Variants in CHD1L observed in about 807,000 individuals in gnomAD.
CHD1L encodes ATP-dependent chromatin remodeler CHD1L.
Under a neutral mutation model 115.9 loss-of-function variants are expected in CHD1L, and 118 were observed. The observed-to-expected ratio is 1.02, with a 90% confidence interval of 0.88 to 1.19. The LOEUF is 1.19. CHD1L is among the 50% of genes most tolerant of loss of function. The pLI is 0.00. For synonymous variants in CHD1L, 411 were observed against 387.1 expected (o/e 1.06, Z -0.72); for missense variants, 1,179 against 1,065.3 (o/e 1.11, Z -1.49).
In CHD1L at chr1:147,268,805, G is replaced by A. The variant is rs782009110; in HGVS notation, c.1012G>A (p.Val338Ile). 1.9e-6 allele frequency: 3 copies of A among 1,613,616 alleles called. No individual in the cohort carries two copies. Among genetic ancestry groups the A allele is most frequent in the Non-Finnish European group, 2.5e-6 (3 of 1,179,676 alleles). Residue 338 changes from valine (V) to isoleucine (I), a missense_variant, in exon 10 of 23, where the codon GTT (valine) becomes ATT (isoleucine). Physicochemically the swap from Val to Ile is conservative, Grantham distance 29. Transcript: ENST00000369258. ...FDGVEPEPFE[V>I]GDHLTEASGK... ...AGGTGTGGAGCCGGAGCCTTTTGAA[G>A]TTGGAGACCACCTGACTGAGGCTAG...
intron 14 of CHD1L, among the ~76,000 whole-genome samples, chr1:147,276,800 T>TA (rs1162828718): frequency 1.3e-5 from 2 of 152,166 alleles, no homozygotes; most frequent in African/African-American, 2.4e-5. Context: ...GAAGAGGACT[T>TA]AGAGTTACTC....
rs1159052868 is a variant in CHD1L at position 147,251,516 on chromosome 1, AATTT to A, written c.128-1094_128-1091del. On this transcript the variant is annotated intron_variant, in intron 1 of 22. Coordinates refer to ENST00000369258, the MANE Select transcript of CHD1L (RefSeq NM_004284.6). The stretch of plus-strand genomic sequence containing the variant: ...TTATAAGCATTAAATGAGATACTGT[AATTT>A]ATTTATTTATTTTTATTATTATTTT... Among the ~76,000 whole-genome samples the A allele has an allele frequency of 1.1e-4, 16 of 152,186 alleles. No individual in the cohort carries two copies. In the South Asian group the frequency reaches 2.7e-3, roughly 26 times the overall value.
At chr1:147,264,283 C>G in intron 6 of CHD1L, 139 bp from the exon 7 acceptor site, 1 of 731,496 alleles carries the variant, frequency 1.4e-6, no homozygotes. Context: ...CAGCTTCAAC[C>G]TGAGCCATCT....
At chr1:147,251,538 A>G (rs1256523508) in intron 1 of CHD1L, among the ~76,000 whole-genome samples, 2 of 151,976 alleles carry the variant, frequency 1.3e-5, no homozygotes, top group Non-Finnish European at 2.9e-5. Context: ...TATTTTTATT[A>G]TTATTTTTTT....
chr1:147,186,939 T>G, the CHD1L span: 1 of 1,614,120 alleles, frequency 6.2e-7, no homozygotes, highest in South Asian at 1.1e-5. Flanking sequence ...AGGCAAGAGC[T>G]AGCATAAACT....
chr1:147,242,775 C>T lies in CHD1L; in HGVS notation c.72C>T (p.Gly24=), dbSNP rs1460482074. The stretch of plus-strand genomic sequence containing the variant: ...TCTTACTGCGGCTTCATACTGAGGG[C>T]CGAGCCGAGGCGGCGCGGGTGCAGG... ...PGFLLRLHTE[G]RAEAARVQEQ... is the part of the protein sequence containing the mutation. The change falls in exon 1 of 23, where the codon GGC becomes GGT. Residue 24 remains glycine (G), a synonymous_variant. Coordinates refer to ENST00000369258, the MANE Select transcript of CHD1L (RefSeq NM_004284.6). 1 of 1,270,216 alleles carries T rather than the reference C, an allele frequency of 7.9e-7. No individual in the cohort carries two copies. The highest frequency in any genetic ancestry group is 3.0e-5 in the East Asian group (1 of 33,498). 78.7% of individuals were successfully genotyped at this position (1,270,216 alleles called of 1,614,324 possible).
the CHD1L span, chr1:147,201,369 G>A: frequency 2.2e-5 from 35 of 1,614,000 alleles, no homozygotes; most frequent in East Asian, 1.8e-4. Flanking sequence ...CAGCATCAAT[G>A]TCATCCTCCC....
rs145302529 is a variant in CHD1L at position 147,261,877 on chromosome 1, T to C, written c.576+1959T>C. 8.0e-3 allele frequency among the ~76,000 whole-genome samples: 1,203 copies of C among 149,618 alleles called. 16 individuals are homozygous for C. Among genetic ancestry groups the C allele is most frequent in the South Asian group, 0.054 (235 of 4,350 alleles). On this transcript the variant is annotated intron_variant, in intron 6 of 22. Transcript: ENST00000369258. Reference sequence around the variant, plus strand: ...GATACTGCCGTTTTTTATTTCCCCCTAATATTGTTTTCAGTTTATAAAAGT... The same window carrying C: ...GATACTGCCGTTTTTTATTTCCCCCCAATATTGTTTTCAGTTTATAAAAGT...
At chr1:147,260,498 T>C (rs981755719) in intron 6 of CHD1L, 1 of 152,226 alleles carries the variant, frequency 6.6e-6, no homozygotes, top group Admixed American at 6.5e-5. Flanking sequence ...TTTACTAATA[T>C]CTGGTGAATA....
chr1:147,265,152 T>C (rs183831835), intron 7 of CHD1L, among the ~76,000 whole-genome samples: 67 of 152,256 alleles, frequency 4.4e-4, no homozygotes, highest in Admixed American at 3.3e-3. Flanking sequence ...AGGTAGGAGG[T>C]ATGCCAACTA....
chr1:147,194,554 T>C, the CHD1L span, among the ~76,000 whole-genome samples: 16 of 152,194 alleles, frequency 1.1e-4, no homozygotes, highest in African/African-American at 3.6e-4. Flanking sequence ...GTGATTATGA[T>C]GTTAGCTGGT....
chr1:147,179,355 C>T, the CHD1L span: 3 of 1,601,264 alleles, frequency 1.9e-6, no homozygotes, highest in African/African-American at 1.3e-5. Flanking sequence ...ACCTGGAGCC[C>T]AAGTATAAAG....
At chr1:147,215,887 G>C in the CHD1L span, 1 of 1,612,866 alleles carries the variant, frequency 6.2e-7, no homozygotes, top group African/African-American at 1.3e-5. Context: ...CATCTCTTTA[G>C]AAGTATTGAT....
In CHD1L at chr1:147,295,336, TAGAAC is replaced by T. The variant is rs1687138494; in HGVS notation, c.2616-92_2616-88del. On this transcript the variant is annotated intron_variant, in intron 22 of 22. Transcript: ENST00000369258. Reference sequence around the variant, plus strand: ...TGAGAGAATTAAAGCATACTACTTCTAGAACAGTTATTTCAATAATTACTAGAGAA... The same window carrying T: ...TGAGAGAATTAAAGCATACTACTTCTAGTTATTTCAATAATTACTAGAGAA... 7 of 815,682 alleles carry T rather than the reference TAGAAC, an allele frequency of 8.6e-6. No homozygotes were observed. In the Admixed American group the frequency reaches 1.4e-4, roughly 16 times the overall value. 50.5% of individuals were successfully genotyped at this position (815,682 alleles called of 1,614,324 possible).
the CHD1L span, among the ~76,000 whole-genome samples, chr1:147,202,825 A>G: frequency 6.6e-6 from 1 of 152,154 alleles, no homozygotes; most frequent in Non-Finnish European, 1.5e-5. Flanking sequence ...CAGTACCACC[A>G]TCCATCCATA....
chr1:147,188,847 AAG>A, the CHD1L span, among the ~76,000 whole-genome samples: 1 of 152,096 alleles, frequency 6.6e-6, no homozygotes, highest in African/African-American at 2.4e-5. Flanking sequence ...AGTCAAAGGA[AAG>A]AGAGGAGGAA....
chr1:147,197,344 A>G, the CHD1L span, among the ~76,000 whole-genome samples: 1 of 152,110 alleles, frequency 6.6e-6, no homozygotes, highest in Non-Finnish European at 1.5e-5. Flanking sequence ...CTACTGGAGC[A>G]CTTGTTTAGG....
the CHD1L span, among the ~76,000 whole-genome samples, chr1:147,176,620 T>C: frequency 6.6e-6 from 1 of 152,216 alleles, no homozygotes; most frequent in African/African-American, 2.4e-5. Context: ...ATATGGTGTA[T>C]AGTGATACTG....
chr1:147,280,311 C>T (rs1009198560), intron 15 of CHD1L, 120 bp downstream of exon 15: 1 of 980,196 alleles, frequency 1.0e-6, no homozygotes, highest in African/African-American at 1.6e-5. Context: ...ACCCTATTGT[C>T]ATTTGGGCAC....
Sources: gnomAD v4.1 joint callset for allele counts (sites outside exome capture counted in the v4.1 genomes callset) on GRCh38, gnomAD v4.1.1 for gene constraint, MANE v1.5 for transcripts, NCBI Gene and HGNC (gene_info 2026-07-23, HGNC 2026-07-21) for gene names.